The following ZHX2 variants were observed in gnomAD, a reference collection of about 807,000 sequenced individuals.
ZHX2 encodes zinc fingers and homeoboxes 2.
A neutral mutation model predicts 21.9 loss-of-function variants in ZHX2; 6 were observed. The ratio of observed to expected loss-of-function variants is 0.27; its 90% CI spans 0.15 to 0.54. The LOEUF (loss-of-function observed/expected upper bound fraction) is 0.54. Among genes scored for constraint, ZHX2 ranks in the 20% least tolerant of loss-of-function variants. The probability of loss-of-function intolerance (pLI) is 0.95; values close to 1 mark genes in which losing one functional copy is unlikely to be tolerated. For synonymous variants in ZHX2, 434 were observed against 437.1 expected (o/e 0.99, Z 0.09); for missense variants, 908 against 1,090.7 (o/e 0.83, Z 2.36).
intron 2 of ZHX2, among the ~76,000 whole-genome samples, chr8:122,879,368 A>C (rs1042583572): frequency 2.6e-5 from 4 of 151,964 alleles, no homozygotes; most frequent in Non-Finnish European, 5.9e-5. Context: ...CACCACGCCC[A>C]GCTAACTTTT....
chr8:122,845,675 C>T (rs1818736436), intron 1 of ZHX2, among the ~76,000 whole-genome samples: 1 of 152,228 alleles, frequency 6.6e-6, no homozygotes, highest in Non-Finnish European at 1.5e-5. Flanking sequence ...AGGTGCTGCA[C>T]TTTGCAGTCT....
At position 122,931,928 on chromosome 8, in the gene ZHX2, G is replaced by A. The variant is rs374430336; in HGVS notation, c.-219-19364G>A. Among the ~76,000 whole-genome samples the A allele has an allele frequency of 3.9e-5, 6 of 152,266 alleles. No homozygotes were observed. The East Asian group carries it at 5.8e-4, about 15-fold the overall frequency. On this transcript the variant is annotated intron_variant, in intron 2 of 3. Coordinates refer to ENST00000314393, the MANE Select transcript of ZHX2 (RefSeq NM_014943.5). ...GGTGGTCATAGTGGAAAATGAGAGCGCTAGATGAACCGTAGACCTGATTTG... is the reference window on the plus strand; with the variant it reads ...GGTGGTCATAGTGGAAAATGAGAGCACTAGATGAACCGTAGACCTGATTTG...
intron 2 of ZHX2, among the ~76,000 whole-genome samples, chr8:122,916,228 G>A (rs187842500): frequency 6.6e-5 from 10 of 152,196 alleles, no homozygotes; most frequent in Admixed American, 4.6e-4. Flanking sequence ...GACTGGCAAC[G>A]AGGCGAGAAC....
At chr8:122,961,190 C>A (rs1813433315) in intron 3 of ZHX2, among the ~76,000 whole-genome samples, 1 of 152,202 alleles carries the variant, frequency 6.6e-6, no homozygotes, top group Non-Finnish European at 1.5e-5. Context: ...TTGCCAACAC[C>A]CACCTTCTCA....
intron 2 of ZHX2, among the ~76,000 whole-genome samples, chr8:122,893,647 T>TCC (rs1820032716): frequency 6.6e-6 from 1 of 152,222 alleles, no homozygotes; most frequent in Non-Finnish European, 1.5e-5. Flanking sequence ...CTTCATTGAA[T>TCC]CCTTTAGCCC....
intron 3 of ZHX2, among the ~76,000 whole-genome samples, chr8:122,956,271 A>G (rs536867660): frequency 2.6e-5 from 4 of 152,350 alleles, no homozygotes; most frequent in South Asian, 4.1e-4. Context: ...CACCTACTGT[A>G]TGCCTGCTGC....
chr8:122,915,503 A>T (rs958345551), intron 2 of ZHX2, among the ~76,000 whole-genome samples: 4 of 152,184 alleles, frequency 2.6e-5, no homozygotes, highest in African/African-American at 9.7e-5. Flanking sequence ...AATAAATAGT[A>T]AGAAATTTGT....
At chr8:122,783,906 C>T (rs1374593345) in intron 1 of ZHX2, among the ~76,000 whole-genome samples, 1 of 152,218 alleles carries the variant, frequency 6.6e-6, no homozygotes, top group Non-Finnish European at 1.5e-5. Flanking sequence ...AATATCATCG[C>T]TGTTTAAATG....
intron 1 of ZHX2, chr8:122,807,608 G>A (rs1251253637): frequency 1.3e-5 from 2 of 152,258 alleles, no homozygotes; most frequent in Non-Finnish European, 2.9e-5. Flanking sequence ...GAGTGAGACT[G>A]TGGTGGGTGG....
At chr8:122,850,736 C>T (rs1818873017) in intron 1 of ZHX2, among the ~76,000 whole-genome samples, 1 of 151,848 alleles carries the variant, frequency 6.6e-6, no homozygotes, top group South Asian at 2.1e-4. Context: ...CCCCCCAACA[C>T]CCCCTCATGT....
intron 2 of ZHX2, among the ~76,000 whole-genome samples, chr8:122,937,492 C>T (rs1290127177): frequency 6.6e-6 from 1 of 152,106 alleles, no homozygotes; most frequent in East Asian, 1.9e-4. Context: ...GAAGAGACTC[C>T]AAAAATCATC....
intron 2 of ZHX2, among the ~76,000 whole-genome samples, chr8:122,915,332 G>A (rs888208821): frequency 6.6e-6 from 1 of 152,154 alleles, no homozygotes; most frequent in African/African-American, 2.4e-5. Context: ...AAGAGTGGAT[G>A]TCCCTTTATC....
intron 2 of ZHX2, among the ~76,000 whole-genome samples, chr8:122,880,991 T>A (rs1452397278): frequency 6.6e-6 from 1 of 152,186 alleles, no homozygotes; most frequent in Admixed American, 6.5e-5. Context: ...AGGGTTTCAG[T>A]GCAGTAAACC....
chr8:122,840,184 G>A (rs932782900), intron 1 of ZHX2, among the ~76,000 whole-genome samples: 1 of 152,210 alleles, frequency 6.6e-6, no homozygotes, highest in African/African-American at 2.4e-5. Context: ...ATTTGTGCAT[G>A]CTCCAAGTGT....
chr8:122,874,940 C>T (rs1434643490), intron 2 of ZHX2, among the ~76,000 whole-genome samples: 1 of 151,700 alleles, frequency 6.6e-6, no homozygotes, highest in Non-Finnish European at 1.5e-5. Context: ...TTACTAGCAA[C>T]GTGACCTTGG....
chr8:122,844,306 A>C (rs1388034512), intron 1 of ZHX2, among the ~76,000 whole-genome samples: 1 of 152,266 alleles, frequency 6.6e-6, no homozygotes, highest in East Asian at 1.9e-4. Context: ...GGCAGCTGGC[A>C]GCTCGGAAGA....
chr8:122,927,032 T>C (rs7816289), intron 2 of ZHX2, among the ~76,000 whole-genome samples: 46,240 of 152,106 alleles, frequency 0.3, 8,059 homozygotes, highest in African/African-American at 0.48. Flanking sequence ...GTTCCAGGGG[T>C]TAGGACCTGG....
intron 1 of ZHX2, among the ~76,000 whole-genome samples, chr8:122,859,798 A>G (rs1819118475): frequency 6.6e-6 from 1 of 152,176 alleles, no homozygotes; most frequent in Admixed American, 6.5e-5. Context: ...GAGTTTCTTA[A>G]TGGTAGGGAC....
chr8:122,945,877 A>AG (rs1491247617), intron 2 of ZHX2, among the ~76,000 whole-genome samples: 2 of 152,156 alleles, frequency 1.3e-5, no homozygotes, highest in Non-Finnish European at 2.9e-5. Flanking sequence ...CTCGTCAGAC[A>AG]GGGGATGGTG....
Sources: allele counts gnomAD v4.1 joint callset (sites outside exome capture counted in the v4.1 genomes callset), GRCh38; gene constraint gnomAD v4.1.1; transcripts MANE v1.5; gene names NCBI Gene and HGNC (gene_info 2026-07-23, HGNC 2026-07-21).